The following UBC variants were observed in gnomAD, a reference collection of about 807,000 sequenced individuals.
The protein encoded by UBC is ubiquitin C.
Under a neutral mutation model 34.7 loss-of-function variants are expected in UBC, and 8 were observed. That is an observed-to-expected ratio of 0.23 (90% CI 0.14 to 0.42). The LOEUF is 0.42. Ranked by LOEUF, UBC falls within the 10% of genes least tolerant of loss-of-function variation. The pLI is 1.00. For synonymous variants in UBC, 367 were observed against 299.8 expected, an observed-to-expected ratio of 1.22 and a Z score of -2.32; for missense variants, 323 against 750.3, an observed-to-expected ratio of 0.43 and a Z score of 6.65.
intron 1 of UBC, 159 bp downstream of exon 1, chr12:124,914,428 C>G (rs951837776): frequency 7.7e-5 from 12 of 155,380 alleles, no homozygotes; most frequent in African/African-American, 2.7e-4. Flanking sequence ...GACTCGGGAA[C>G]AGCCGCCATT....
At position 124,913,842 on chromosome 12, in the gene UBC, T is replaced by G. The variant is rs1442037657; in HGVS notation, c.-3-68A>C. The G allele has an allele frequency of 1.3e-5, 20 of 1,581,668 alleles. No homozygotes were observed. In the East Asian group the frequency reaches 4.0e-4, roughly 32 times the overall value. On this transcript the variant is annotated intron_variant, in intron 1 of 1. Coordinates refer to ENST00000339647, the MANE Select transcript of UBC (RefSeq NM_021009.7). ...TACTAGTCTAACACTGAAAATTACA[T>G]ATTGACCCAAATGATTACATTTCAA...
In UBC at chr12:124,913,592, G is replaced by A. The variant is rs776784018; in HGVS notation, c.180C>T (p.Asn60=). 6.2e-6 allele frequency: 10 copies of A among 1,611,328 alleles called. No individual in the cohort carries two copies. The highest frequency in any genetic ancestry group is 2.7e-5 in the African/African-American group (2 of 74,418). The change falls in exon 2 of 2, where the codon AAC becomes AAT. Residue 60 remains asparagine, a synonymous_variant. Transcript: ENST00000339647. The stretch of plus-strand genomic sequence containing the variant: ...GGTGCAGGGTGGACTCTTTCTGGAT[G>A]TTGTAGTCAGACAGGGTGCGCCCAT... ...LEDGRTLSDY[N]IQKESTLHLV... is the part of the protein sequence containing the mutation.
At chr12:124,914,181 G>A (rs919016040) in intron 1 of UBC, 2 of 232,836 alleles carry the variant, frequency 8.6e-6, no homozygotes, top group East Asian at 2.2e-4. Flanking sequence ...AGGTACGGGT[G>A]CACTGCCCAA....
Position 124,912,959 on chromosome 12 carries a change from C to T in UBC, c.813G>A (p.Leu271=). The part of the protein sequence containing the change: ...KEGIPPDQQR[L]IFAGKQLEDG... ...CTTCCAGCTGCTTTCCGGCAAAGAT[C>T]AACCTCTGCTGGTCAGGAGGAATGC... The change falls in exon 2 of 2, where the codon TTG becomes TTA. Residue 271 remains leucine (L), a synonymous_variant. Coordinates refer to ENST00000339647, the MANE Select transcript of UBC (RefSeq NM_021009.7). 6.2e-7 allele frequency: 1 copy of T among 1,610,674 alleles called. No homozygotes were observed. The highest frequency in any genetic ancestry group is 8.5e-7 in the Non-Finnish European group (1 of 1,178,910).
At chr12:124,913,970 A>G (rs1953569232) in intron 1 of UBC, 196 bp from the exon 2 acceptor site, 2 of 831,942 alleles carry the variant, frequency 2.4e-6, no homozygotes, top group African/African-American at 1.7e-5. Flanking sequence ...AAAACCGACC[A>G]GAGAAACTGA....
chr12:124,913,553 G>C lies in UBC; in HGVS notation c.219C>G (p.Leu73=), dbSNP rs142678360. The C allele has an allele frequency of 1.1e-5, 17 of 1,609,550 alleles. No homozygotes were observed. The African/African-American group carries it at 1.4e-4, about 13-fold the overall frequency. Reference sequence around the variant, plus strand: ...TCACGAAGATTTGCATCCCACCTCTGAGACGGAGCACCAGGTGCAGGGTGG... The same window carrying C: ...TCACGAAGATTTGCATCCCACCTCTCAGACGGAGCACCAGGTGCAGGGTGG... The part of the protein sequence containing the change: ...KESTLHLVLR[L]RGGMQIFVKT... The change falls in exon 2 of 2, where the codon CTC becomes CTG. Residue 73 remains leucine (L), a synonymous_variant. Coordinates refer to ENST00000339647, the MANE Select transcript of UBC (RefSeq NM_021009.7).
chr12:124,914,241 C>G (rs560550659), intron 1 of UBC: 58 of 195,044 alleles, frequency 3.0e-4, no homozygotes, highest in Non-Finnish European at 4.8e-4. Flanking sequence ...ACCGAGTTCT[C>G]CAGTCAGTGA....
Position 124,912,824 on chromosome 12 carries a change from G to A in UBC, c.948C>T (p.Thr316=). The change falls in exon 2 of 2, where the codon ACC becomes ACT. Residue 316 remains threonine (T), a synonymous_variant. Transcript: ENST00000339647. ...QIFVKTLTGK[T]ITLEVEPSDT... is the part of the protein sequence containing the mutation. ...CACTCGGCTCCACTTCGAGAGTGAT[G>A]GTCTTACCAGTCAGGGTCTTCACGA... is the stretch of plus-strand genomic sequence containing the variant. The A allele has an allele frequency of 1.9e-6, 3 of 1,607,612 alleles. No homozygotes were observed. The highest frequency in any genetic ancestry group is 1.7e-4 in the Middle Eastern group (1 of 6,010).
In UBC at chr12:124,913,018, C is replaced by G; in HGVS notation, c.754G>C (p.Glu252Gln). 6.2e-7 allele frequency: 1 copy of G among 1,610,996 alleles called. No individual in the cohort carries two copies. Among genetic ancestry groups the G allele is most frequent in the Non-Finnish European group, 8.5e-7 (1 of 1,179,006 alleles). The change falls in exon 2 of 2, where the codon GAG becomes CAG. Residue 252 changes from glutamate to glutamine, a missense_variant. Physicochemically the swap from Glu to Gln is conservative, Grantham distance 29 (BLOSUM62 2). Transcript: ENST00000339647. ...TCTTGGATCTTTGCTTTGACGTTCT[C>G]GATAGTGTCACTGGGCTCGACCTCA... The part of the protein sequence containing the change: ...TLEVEPSDTI[E>Q]NVKAKIQDKE...
intron 1 of UBC, 33 bp downstream of exon 1, chr12:124,914,554 A>C (rs1164128486): frequency 6.6e-6 from 1 of 152,610 alleles, no homozygotes; most frequent in African/African-American, 2.4e-5. Context: ...GCGGCCACGA[A>C]AGCCCCGGCC....
At chr12:124,913,881 A>G in intron 1 of UBC, 107 bp from the exon 2 acceptor site, 1 of 1,517,208 alleles carries the variant, frequency 6.6e-7, no homozygotes, top group South Asian at 1.3e-5. Flanking sequence ...GTGCCTAAAA[A>G]ACTTCACAAA....
intron 1 of UBC, 98 bp from the exon 2 acceptor site, chr12:124,913,872 T>A: frequency 6.5e-7 from 1 of 1,547,158 alleles, no homozygotes; most frequent in Non-Finnish European, 8.7e-7. Context: ...TTTCAAAAGG[T>A]GCCTAAAAAA....
At chr12:124,914,049 C>G in intron 1 of UBC, 1 of 488,092 alleles carries the variant, frequency 2.0e-6, no homozygotes, top group Non-Finnish European at 3.6e-6. Flanking sequence ...ACCCTAGGCC[C>G]GAACCCTGCG....
intron 1 of UBC, chr12:124,914,212 C>A (rs901729307): frequency 3.2e-4 from 65 of 201,860 alleles, no homozygotes; most frequent in Admixed American, 4.2e-4. Flanking sequence ...ATAACTGCCG[C>A]CCCCGCAACA....
intron 1 of UBC, 191 bp from the exon 2 acceptor site, chr12:124,913,965 C>A (rs773765541): frequency 1.9e-5 from 17 of 899,126 alleles, no homozygotes; most frequent in Non-Finnish European, 2.4e-5. Context: ...TACATAAAAC[C>A]GACCAGAGAA....
intron 1 of UBC, 155 bp from the exon 2 acceptor site, chr12:124,913,929 G>C (rs1484853873): frequency 4.3e-6 from 5 of 1,174,410 alleles, no homozygotes; most frequent in East Asian, 2.5e-5. Context: ...TTCAAAACCG[G>C]AGCTTCAGCT....
Position 124,912,638 on chromosome 12 carries a change from T to C in UBC, c.1134A>G (p.Arg378=). The part of the protein sequence containing the change: ...ESTLHLVLRL[R]GGMQIFVKTL... ...TCTTCACGAAGATCTGCATCCCACC[T>C]CTGAGACGGAGCACCAGGTGCAAGG... Residue 378 remains arginine (R), a synonymous_variant, in exon 2 of 2, where the codon AGA becomes AGG. Transcript: ENST00000339647. The C allele has an allele frequency of 6.2e-7, 1 of 1,610,664 alleles. No individual in the cohort carries two copies. The highest frequency in any genetic ancestry group is 8.5e-7 in the Non-Finnish European group (1 of 1,179,150).
chr12:124,913,307 G>C lies in UBC; in HGVS notation c.465C>G (p.Ile155Met), dbSNP rs782788149. Residue 155 changes from isoleucine (I) to methionine (M), a missense_variant, in exon 2 of 2, where the codon ATC becomes ATG. Ile to Met is a conservative substitution (Grantham distance 10, BLOSUM62 1). This residue lies in a region of UBC where 202 missense variants were observed against 361.9 expected (regional missense o/e 0.56). Transcript: ENST00000339647. ...TCTTACCAGTCAGGGTCTTCACGAA[G>C]ATCTGCATCCCACCTCTGAGACGGA... ...LVLRLRGGMQ[I>M]FVKTLTGKTI... 6.2e-7 allele frequency: 1 copy of C among 1,610,522 alleles called. No homozygotes were observed. Among genetic ancestry groups the C allele is most frequent in the African/African-American group, 1.4e-5 (1 of 73,996 alleles).
chr12:124,911,709 G>T lies in UBC; in HGVS notation c.*5C>A, dbSNP rs969185322. On this transcript the variant is annotated 3_prime_UTR_variant, in exon 2 of 2. Transcript: ENST00000339647. ...GAAATTTGTTGAAACCTTAAAAGGG[G>T]AAACTTAGACACCCCCCCTCAAGCG... 5 of 1,612,464 alleles carry T rather than the reference G, an allele frequency of 3.1e-6. No homozygotes were observed. The Admixed American group carries it at 8.4e-5, about 27-fold the overall frequency.
Sources: allele counts gnomAD v4.1 joint callset, GRCh38; gene constraint gnomAD v4.1.1; regional missense constraint gnomAD v4.1.1; transcripts MANE v1.5; gene names NCBI Gene and HGNC (gene_info 2026-07-23, HGNC 2026-07-21).